Variants in DNAH9 observed in about 807,000 individuals in gnomAD.
DNAH9 encodes the protein dynein axonemal heavy chain 9, also known as DNAH9 variant protein.
In DNAH9, 345 loss-of-function variants were observed where a neutral mutation model predicts 471.6. The ratio of observed to expected loss-of-function variants is 0.73; its 90% confidence interval spans 0.67 to 0.80. The LOEUF (loss-of-function observed/expected upper bound fraction) is 0.80. Ranked by LOEUF, DNAH9 falls within the 30% of genes least tolerant of loss-of-function variation. The pLI, the probability that DNAH9 is intolerant of heterozygous loss-of-function variation, is 0.00. For synonymous variants in DNAH9, 2,093 were observed against 2,123.6 expected (o/e 0.99, Z 0.40); for missense variants, 5,407 against 5,609.2 (o/e 0.96, Z 1.15).
chr17:11,670,988 C>A (rs147999976), intron 17 of DNAH9, among the ~76,000 whole-genome samples: 1 of 151,996 alleles, frequency 6.6e-6, no homozygotes, highest in Non-Finnish European at 1.5e-5. Context: ...CAGGTGTGAG[C>A]CACCGTGCCT....
intron 14 of DNAH9, among the ~76,000 whole-genome samples, chr17:11,663,063 G>A (rs1388666465): frequency 2.0e-5 from 3 of 152,154 alleles, no homozygotes; most frequent in Admixed American, 6.5e-5. Flanking sequence ...CCCGAGGCTC[G>A]CTTTTTAAGG....
At chr17:11,743,898 C>T (rs890817440) in intron 30 of DNAH9, among the ~76,000 whole-genome samples, 5 of 151,020 alleles carry the variant, frequency 3.3e-5, no homozygotes, top group African/African-American at 7.3e-5. Context: ...GGCGTGATCT[C>T]GGCTCGCTGC....
intron 25 of DNAH9, among the ~76,000 whole-genome samples, chr17:11,704,661 G>A (rs1431543193): frequency 2.7e-5 from 4 of 148,302 alleles, no homozygotes; most frequent in South Asian, 2.1e-4. Context: ...TCGGCTCACC[G>A]CAACCTCCAC....
At chr17:11,693,237 CTTT>C (rs776422086) in intron 20 of DNAH9, among the ~76,000 whole-genome samples, 40 of 77,422 alleles carry the variant, frequency 5.2e-4, no homozygotes, top group Admixed American at 7.4e-4. Flanking sequence ...TTAAAATGCC[CTTT>C]TTTTTTTTTT....
intron 18 of DNAH9, 39 bp from the exon 19 acceptor site, chr17:11,680,684 C>T: frequency 6.3e-7 from 1 of 1,592,712 alleles, no homozygotes; most frequent in Non-Finnish European, 8.6e-7. Flanking sequence ...GAGGAAAGAG[C>T]ACCTTGGGAA....
In DNAH9 at chr17:11,747,770, A is replaced by C; in HGVS notation, c.6610+4A>C. 6.2e-7 allele frequency: 1 copy of C among 1,612,002 alleles called. No homozygotes were observed. Among genetic ancestry groups the C allele is most frequent in the Non-Finnish European group, 8.5e-7 (1 of 1,178,132 alleles). On this transcript the variant is annotated splice_donor_region_variant and intron_variant, in intron 32 of 68. Coordinates refer to ENST00000262442, the MANE Select transcript of DNAH9 (RefSeq NM_001372.4). ...GCCACAGGAGAATGGAAGGATGGTAAGAGTGGGATTCTCCCAGGAGAAAGT... is the reference window on the plus strand; with the variant it reads ...GCCACAGGAGAATGGAAGGATGGTACGAGTGGGATTCTCCCAGGAGAAAGT...
At position 11,736,394 on chromosome 17, in the gene DNAH9, T is replaced by G. The variant is rs2075347153; in HGVS notation, c.5815-2486T>G. 2.6e-5 allele frequency among the ~76,000 whole-genome samples: 4 copies of G among 152,214 alleles called. No homozygotes were observed. The East Asian group carries it at 7.7e-4, about 29-fold the overall frequency. On this transcript the variant is annotated intron_variant, in intron 28 of 68. Transcript: ENST00000262442. ...GTGCCTGGCAGCCTTAGCTATCAGT[T>G]GCCAAACGACCTGTGTGTGTACTTC... is the stretch of plus-strand genomic sequence containing the variant.
In DNAH9 at chr17:11,969,340, C is replaced by G. The variant is rs759455006; in HGVS notation, c.13274C>G (p.Pro4425Arg). 4.3e-6 allele frequency: 7 copies of G among 1,613,788 alleles called. No individual in the cohort carries two copies. Among genetic ancestry groups the G allele is most frequent in the Non-Finnish European group, 5.9e-6 (7 of 1,180,000 alleles). The change falls in exon 69 of 69, where the codon CCC becomes CGC. Residue 4425 changes from proline (P) to arginine (R), a missense_variant. This residue lies in a region of DNAH9 where 4,636 missense variants were observed against 4,900.3 expected (regional missense o/e 0.95). Transcript: ENST00000262442. ...GAGGCAAAGCTGAAGGATCTGACACCCCCTATGCCTGTGATGTTCATCAAG... is the reference window on the plus strand; with the variant it reads ...GAGGCAAAGCTGAAGGATCTGACACGCCCTATGCCTGTGATGTTCATCAAG... Reference protein sequence around the residue: ...ITEAKLKDLTPPMPVMFIKAI... With the variant: ...ITEAKLKDLTRPMPVMFIKAI...
At chr17:11,627,284 A>T (rs886767670) in intron 6 of DNAH9, among the ~76,000 whole-genome samples, 3 of 152,236 alleles carry the variant, frequency 2.0e-5, no homozygotes, top group African/African-American at 7.2e-5. Context: ...TAAATTGAAG[A>T]TCAAACACCT....
At position 11,937,904 on chromosome 17, in the gene DNAH9, C is replaced by A. The variant is rs568802062; in HGVS notation, c.12660+382C>A. ...CCAAGCAAGGATGGGTAAGGGGTTG[C>A]CCCTGAGCACCCCCACCTCAGTTCA... On this transcript the variant is annotated intron_variant, in intron 66 of 68. Transcript: ENST00000262442. The surrounding 1 kb of genome is among the most constrained non-coding windows in gnomAD (Gnocchi z 4.1). 6.6e-6 allele frequency among the ~76,000 whole-genome samples: 1 copy of A among 152,298 alleles called. No homozygotes were observed. The highest frequency in any genetic ancestry group is 1.5e-5 in the Non-Finnish European group (1 of 68,026).
chr17:11,766,091 A>C (rs1226165238), intron 36 of DNAH9, among the ~76,000 whole-genome samples: 1 of 152,184 alleles, frequency 6.6e-6, no homozygotes, highest in East Asian at 1.9e-4. Flanking sequence ...GAAGAGGACA[A>C]GGGAGAAAGC....
chr17:11,860,009 C>T (rs910866229), intron 50 of DNAH9, among the ~76,000 whole-genome samples: 3 of 152,178 alleles, frequency 2.0e-5, no homozygotes, highest in African/African-American at 7.2e-5. Flanking sequence ...GTTATTACTG[C>T]TTATCATTAC....
intron 67 of DNAH9, among the ~76,000 whole-genome samples, chr17:11,958,006 A>C (rs546577164): frequency 5.6e-4 from 86 of 152,328 alleles, no homozygotes; most frequent in African/African-American, 1.9e-3. Flanking sequence ...CAAAACTTGG[A>C]AGAAACCAAG....
At chr17:11,728,832 C>T (rs1485101229) in intron 28 of DNAH9, among the ~76,000 whole-genome samples, 2 of 152,158 alleles carry the variant, frequency 1.3e-5, no homozygotes, top group African/African-American at 4.8e-5. Context: ...CTATTCTCCC[C>T]ATTATGTATG....
intron 49 of DNAH9, among the ~76,000 whole-genome samples, chr17:11,853,560 A>G (rs1971510573): frequency 6.6e-6 from 1 of 152,228 alleles, no homozygotes; most frequent in South Asian, 2.1e-4. Context: ...TGTAGTTAGA[A>G]CAAGCTCATG....
intron 50 of DNAH9, among the ~76,000 whole-genome samples, chr17:11,858,209 A>G (rs374306554): frequency 6.6e-6 from 1 of 152,226 alleles, no homozygotes; most frequent in African/African-American, 2.4e-5. Context: ...CCGTGAGCAT[A>G]TTATCACACA....
intron 50 of DNAH9, among the ~76,000 whole-genome samples, chr17:11,855,763 A>G (rs1193083178): frequency 6.6e-6 from 1 of 152,216 alleles, no homozygotes; most frequent in Non-Finnish European, 1.5e-5. Context: ...TAACAAAGTA[A>G]CAGGTAGAAA....
At chr17:11,857,634 C>T (rs1971672893) in intron 50 of DNAH9, among the ~76,000 whole-genome samples, 1 of 152,192 alleles carries the variant, frequency 6.6e-6, no homozygotes, top group Non-Finnish European at 1.5e-5. Flanking sequence ...TTACTGTATG[C>T]AGGACATTAT....
At chr17:11,860,812 C>T (rs954524145) in intron 50 of DNAH9, among the ~76,000 whole-genome samples, 12 of 152,144 alleles carry the variant, frequency 7.9e-5, no homozygotes, top group Non-Finnish European at 1.3e-4. Flanking sequence ...CTGCCCGCCT[C>T]GGCCTCTCAA....
Sources: gnomAD v4.1 joint callset for allele counts (sites outside exome capture counted in the v4.1 genomes callset) on GRCh38, gnomAD v4.1.1 for gene constraint, gnomAD v4.1.1 regional missense constraint, Gnocchi (gnomAD v3.1) non-coding constraint, MANE v1.5 for transcripts, NCBI Gene and HGNC (gene_info 2026-07-23, HGNC 2026-07-21) for gene names.